Variants in UCMA observed in about 807,000 individuals in gnomAD.
UCMA encodes the protein upper zone of growth plate and cartilage matrix-associated protein.
Under a neutral mutation model 21.8 loss-of-function variants are expected in UCMA, and 21 were observed. That is an observed-to-expected ratio of 0.97 (90% CI 0.68 to 1.39). The LOEUF (loss-of-function observed/expected upper bound fraction) is 1.39. UCMA is among the 40% of genes most tolerant of loss of function. The pLI is 0.00. For synonymous variants in UCMA, 76 were observed against 67.9 expected, an observed-to-expected ratio of 1.12 and a Z score of -0.58; for missense variants, 193 against 178.9, an observed-to-expected ratio of 1.08 and a Z score of -0.45.
At chr10:13,234,000 T>G (rs1834936275) in intron 1 of UCMA, among the ~76,000 whole-genome samples, 200 bp from the exon 2 acceptor site, 2 of 151,010 alleles carry the variant, frequency 1.3e-5, no homozygotes, top group South Asian at 4.2e-4. Context: ...TCTATTTTGT[T>G]TCTTTCTTTA....
At chr10:13,229,809 G>C in intron 3 of UCMA, 100 bp from the exon 4 acceptor site, 1 of 910,910 alleles carries the variant, frequency 1.1e-6, no homozygotes, top group South Asian at 1.5e-5. Context: ...CACCTGGTTG[G>C]GGGATGAGTG....
chr10:13,222,270 T>G (rs1834768105), intron 4 of UCMA, 70 bp from the exon 5 acceptor site: 6 of 1,452,642 alleles, frequency 4.1e-6, no homozygotes, highest in African/African-American at 2.8e-5. Flanking sequence ...CCAGCAGCCA[T>G]CAGCCGAACC....
chr10:13,232,894 A>G (rs1834917213), intron 3 of UCMA, among the ~76,000 whole-genome samples: 1 of 152,004 alleles, frequency 6.6e-6, no homozygotes. Context: ...GCCCTACAGC[A>G]GGCTGTGCAA....
At chr10:13,226,812 T>C (rs1207522145) in intron 4 of UCMA, among the ~76,000 whole-genome samples, 1 of 152,176 alleles carries the variant, frequency 6.6e-6, no homozygotes, top group Non-Finnish European at 1.5e-5. Context: ...GTCTCCTGTC[T>C]TCCTATCCTG....
At chr10:13,226,419 T>G (rs1437017087) in intron 4 of UCMA, among the ~76,000 whole-genome samples, 2 of 152,176 alleles carry the variant, frequency 1.3e-5, no homozygotes, top group Non-Finnish European at 2.9e-5. Context: ...GCCATCCCCC[T>G]GCCTTAGCCT....
intron 3 of UCMA, among the ~76,000 whole-genome samples, chr10:13,229,973 A>T (rs1413521068): frequency 6.6e-6 from 1 of 152,220 alleles, no homozygotes; most frequent in African/African-American, 2.4e-5. Context: ...CTGATTATAA[A>T]GTTGGTGGCA....
chr10:13,230,295 G>A (rs189327210), intron 3 of UCMA, among the ~76,000 whole-genome samples: 1 of 152,230 alleles, frequency 6.6e-6, no homozygotes, highest in East Asian at 1.9e-4. Context: ...GCAACAGAGC[G>A]AGACCCTGTC....
rs1395687774 is a variant in UCMA at position 13,221,829 on chromosome 10, C to T, written c.*274G>A. 4.5e-6 allele frequency: 2 copies of T among 444,584 alleles called. No homozygotes were observed. The highest frequency in any genetic ancestry group is 3.9e-5 in the Admixed American group (1 of 25,812). The allele number at this position is 444,584 out of a possible 1,614,324, so 27.5% of individuals were successfully genotyped here. A position where few individuals can be genotyped will look rare whatever the true frequency, so the allele number is the denominator to read the frequency against. On this transcript the variant is annotated 3_prime_UTR_variant, in exon 5 of 5. Transcript: ENST00000378681. Reference sequence around the variant, plus strand: ...ATGTGATTCTTGACTGATTCTTTTGCTTGGGAACGAAGCCAGGGGAAGCCA... The same window carrying T: ...ATGTGATTCTTGACTGATTCTTTTGTTTGGGAACGAAGCCAGGGGAAGCCA...
chr10:13,229,533 T>G (rs1588490481), intron 4 of UCMA, 78 bp downstream of exon 4: 1 of 1,291,990 alleles, frequency 7.7e-7, no homozygotes, highest in Non-Finnish European at 1.1e-6. Flanking sequence ...AAAAGTTGGG[T>G]AGAAGAAGAG....
At position 13,222,767 on chromosome 10, in the gene UCMA, C is replaced by T. The variant is rs527646506; in HGVS notation, c.320-567G>A. The stretch of plus-strand genomic sequence containing the variant: ...GTGCAGTGGCGTGATCATGACTCAC[C>T]GCGGCTTCAACCTCCCAGGGCTCAG... On this transcript the variant is annotated intron_variant, in intron 4 of 4. Coordinates refer to ENST00000378681, the MANE Select transcript of UCMA (RefSeq NM_145314.3). 4.6e-5 allele frequency among the ~76,000 whole-genome samples: 7 copies of T among 151,840 alleles called. No homozygotes were observed. The East Asian group carries it at 5.8e-4, about 13-fold the overall frequency.
chr10:13,222,904 A>G (rs1010163342), intron 4 of UCMA, among the ~76,000 whole-genome samples: 5 of 151,756 alleles, frequency 3.3e-5, no homozygotes, highest in Non-Finnish European at 5.9e-5. Context: ...CCCAGTCTCA[A>G]GCAATCCTCC....
chr10:13,222,536 AC>A, intron 4 of UCMA, among the ~76,000 whole-genome samples: 1 of 152,324 alleles, frequency 6.6e-6, no homozygotes, highest in Non-Finnish European at 1.5e-5. Context: ...CGAAAAAGTA[AC>A]AACACAGTAG....
At chr10:13,229,792 G>A in intron 3 of UCMA, 83 bp from the exon 4 acceptor site, 3 of 1,149,816 alleles carry the variant, frequency 2.6e-6, no homozygotes, top group Middle Eastern at 2.0e-4. Context: ...CAGTTCATCT[G>A]AGAAGTCACC....
rs902885657 is a variant in UCMA, at chr10:13,222,689, T to C, written c.320-489A>G. Among the ~76,000 whole-genome samples the C allele has an allele frequency of 2.0e-5, 3 of 151,966 alleles. No individual in the cohort carries two copies. The East Asian group carries it at 5.8e-4, about 29-fold the overall frequency. ...ATTAATTTTCTTTTTTTTTCTTTCT[T>C]TCTTGTTTTGTTTTGTTTTGAGACG... On this transcript the variant is annotated intron_variant, in intron 4 of 4. Coordinates refer to ENST00000378681, the MANE Select transcript of UCMA (RefSeq NM_145314.3).
intron 4 of UCMA, among the ~76,000 whole-genome samples, chr10:13,227,816 T>A (rs1834844309): frequency 7.1e-6 from 1 of 141,576 alleles, no homozygotes; most frequent in Admixed American, 7.2e-5. Flanking sequence ...CATTAAACGG[T>A]CCTAAGGATG....
In UCMA at chr10:13,232,371, C is replaced by CAA. The variant is rs34527224; in HGVS notation, c.220+1165_220+1166dup. On this transcript the variant is annotated intron_variant, in intron 3 of 4. Coordinates refer to ENST00000378681, the MANE Select transcript of UCMA (RefSeq NM_145314.3). The stretch of plus-strand genomic sequence containing the variant: ...TGGGCGACAGAGTGAGACTCCATCT[C>CAA]AAAAAAAAAAAAAAAAAAAAAAAAG... Among the ~76,000 whole-genome samples, 249 of 69,488 alleles carry CAA rather than the reference C, an allele frequency of 3.6e-3. 1 individual carries two copies. The highest frequency in any genetic ancestry group is 8.3e-3 in the Middle Eastern group (1 of 120). The allele number at this position is 69,488 out of a possible 152,430, so 45.6% of individuals were successfully genotyped here.
intron 4 of UCMA, among the ~76,000 whole-genome samples, chr10:13,227,743 TACACACACACAC>T (rs55831241): frequency 3.9e-4 from 43 of 110,686 alleles, no homozygotes; most frequent in East Asian, 3.1e-3. Flanking sequence ...GGAAAGGAAA[TACACACACACAC>T]ACACACACAC....
chr10:13,230,625 A>T (rs921003957), intron 3 of UCMA, among the ~76,000 whole-genome samples: 1 of 152,030 alleles, frequency 6.6e-6, no homozygotes, highest in South Asian at 2.1e-4. Flanking sequence ...TGCCCCATCA[A>T]CTCTGATGTG....
chr10:13,230,557 C>G (rs987876058), intron 3 of UCMA, among the ~76,000 whole-genome samples: 3 of 152,144 alleles, frequency 2.0e-5, no homozygotes, highest in Non-Finnish European at 2.9e-5. Context: ...GCACGCCTCA[C>G]GATCTCACAG....
Sources: allele counts gnomAD v4.1 joint callset (sites outside exome capture counted in the v4.1 genomes callset), GRCh38; gene constraint gnomAD v4.1.1; transcripts MANE v1.5; gene names NCBI Gene and HGNC (gene_info 2026-07-23, HGNC 2026-07-21).